BAHCC1: variants seen among roughly 807,000 people sequenced by gnomAD.
BAHCC1 encodes BAH domain and coiled-coil containing 1.
Under a neutral mutation model 88.2 loss-of-function variants are expected in BAHCC1, and 43 were observed. The observed-to-expected ratio is 0.49, with a 90% CI of 0.38 to 0.63. The LOEUF (loss-of-function observed/expected upper bound fraction) is 0.63. BAHCC1 is among the 20% of genes least tolerant of loss of function. The pLI is 0.00. For missense variants in BAHCC1, 3,023 were observed against 1,654.8 expected, an observed-to-expected ratio of 1.83 and a Z score of -14.34; for synonymous variants, 1,510 against 745.5, an observed-to-expected ratio of 2.03 and a Z score of -16.71.
At chr17:81,430,706 C>T (rs2064250520) in intron 3 of BAHCC1, among the ~76,000 whole-genome samples, 6 of 152,180 alleles carry the variant, frequency 3.9e-5, no homozygotes, top group Non-Finnish European at 8.8e-5. Context: ...CAGCTCCATC[C>T]TTCCTGTGAT....
intron 2 of BAHCC1, among the ~76,000 whole-genome samples, chr17:81,417,555 A>ACCGCCCCC (rs1555648925): frequency 2.5e-4 from 33 of 131,412 alleles, no homozygotes; most frequent in Middle Eastern, 3.8e-3. Context: ...AGCGTCGGCC[A>ACCGCCCCC]CCCCCCCCCC....
chr17:81,458,800 C>T lies in BAHCC1; in HGVS notation c.5449-13C>T, dbSNP rs1169482839. 3 of 762,418 alleles carry T rather than the reference C, an allele frequency of 3.9e-6. No individual in the cohort carries two copies. Among genetic ancestry groups the T allele is most frequent in the African/African-American group, 1.7e-5 (1 of 58,866 alleles). The allele number at this position is 762,418 out of a possible 1,614,324, so 47.2% of individuals were successfully genotyped here. On this transcript the variant is annotated splice_polypyrimidine_tract_variant and intron_variant, in intron 19 of 27. Transcript: ENST00000675386. ...CCTGCACCCCACCCAAGCCTGACTC[C>T]TCTGGCCCCCAGGGCAAGGGCCGGG...
intron 15 of BAHCC1, 134 bp from the exon 16 acceptor site, chr17:81,456,163 C>A (rs2143621316): frequency 3.4e-6 from 2 of 592,282 alleles, no homozygotes; most frequent in South Asian, 2.1e-5. Context: ...ATCCCTTCAG[C>A]CCCTGTGGAT....
At position 81,444,511 on chromosome 17, in the gene BAHCC1, C is replaced by A. The variant is rs782655241; in HGVS notation, c.2455C>A (p.Pro819Thr). Residue 819 changes from proline to threonine, a missense_variant, in exon 7 of 28, where the codon CCC becomes ACC. Physicochemically the swap from Pro to Thr is conservative, Grantham distance 38. Coordinates refer to ENST00000675386, the MANE Select transcript of BAHCC1 (RefSeq NM_001377448.1). ...GDPAPHTHPH[P>T]PWLPRTRSPS... is the part of the protein sequence containing the mutation. The stretch of plus-strand genomic sequence containing the variant: ...CCCAGCCCCCCACACCCACCCCCAT[C>A]CCCCCTGGCTGCCCCGCACCCGCAG... 4.3e-6 allele frequency: 3 copies of A among 698,308 alleles called. No homozygotes were observed. Among genetic ancestry groups the A allele is most frequent in the South Asian group, 3.1e-5 (2 of 65,566 alleles). The allele number at this position is 698,308 out of a possible 1,614,324, so 43.3% of individuals were successfully genotyped here. A position where few individuals can be genotyped will look rare whatever the true frequency, so the allele number is the denominator to read the frequency against.
At position 81,460,395 on chromosome 17, in the gene BAHCC1, G is replaced by T. The variant is rs1216182275; in HGVS notation, c.6024G>T (p.Gln2008His). The change falls in exon 24 of 28, where the codon CAG (glutamine) becomes CAT (histidine). Residue 2008 changes from glutamine to histidine, a missense_variant and splice_region_variant. Coordinates refer to ENST00000675386, the MANE Select transcript of BAHCC1 (RefSeq NM_001377448.1). ...VRLLPPDFKI[Q>H]CTEPSPALLV... ...TGCTGCCCCCTGACTTCAAGATCCA[G>T]TGTGAGCCTGGGAGCTGCACGGGGC... The T allele has an allele frequency of 2.6e-6, 2 of 761,604 alleles. No individual in the cohort carries two copies. The highest frequency in any genetic ancestry group is 4.9e-6 in the Non-Finnish European group (2 of 409,348). 47.2% of individuals were successfully genotyped at this position (761,604 alleles called of 1,614,324 possible).
chr17:81,410,475 G>C (rs1183775833), intron 2 of BAHCC1, among the ~76,000 whole-genome samples: 1 of 152,242 alleles, frequency 6.6e-6, no homozygotes, highest in Non-Finnish European at 1.5e-5. Flanking sequence ...CCCTACCTGT[G>C]CAGGGGCTTG....
In BAHCC1 at chr17:81,405,294, G is replaced by A. The variant is rs371162359; in HGVS notation, c.178+5377G>A. Among the ~76,000 whole-genome samples, 31 of 152,310 alleles carry A rather than the reference G, an allele frequency of 2.0e-4. No homozygotes were observed. The East Asian group carries it at 5.2e-3, about 26-fold the overall frequency. On this transcript the variant is annotated intron_variant, in intron 2 of 27. Coordinates refer to ENST00000675386, the MANE Select transcript of BAHCC1 (RefSeq NM_001377448.1). ...TTTCCCATGCTGGTCTTGAGCTCCT[G>A]AGCTCAAGCAATCTGCCCACCTTGG... is the stretch of plus-strand genomic sequence containing the variant.
chr17:81,448,629 G>A (rs1006277518), intron 11 of BAHCC1, among the ~76,000 whole-genome samples: 5 of 152,178 alleles, frequency 3.3e-5, no homozygotes, highest in Non-Finnish European at 7.4e-5. Flanking sequence ...CTCGGCCGCT[G>A]CTTTCTGGAT....
chr17:81,403,454 T>C (rs1555646392), intron 2 of BAHCC1, among the ~76,000 whole-genome samples: 1 of 147,892 alleles, frequency 6.8e-6, no homozygotes, highest in African/African-American at 2.5e-5. Flanking sequence ...TCTTTCCTGC[T>C]GAAAAAGTGC....
intron 3 of BAHCC1, among the ~76,000 whole-genome samples, chr17:81,429,931 T>C (rs1043628894): frequency 2.6e-5 from 4 of 152,086 alleles, no homozygotes; most frequent in African/African-American, 9.7e-5. Flanking sequence ...GGGGAGCAGC[T>C]GGGGGTGCAG....
chr17:81,444,933 G>T (rs1305698528), intron 8 of BAHCC1, 82 bp from the exon 9 acceptor site: 1 of 684,694 alleles, frequency 1.5e-6, no homozygotes, highest in East Asian at 2.7e-5. Context: ...GGCTTGGTGG[G>T]CTGAGGAAAG....
rs1461023511 is a variant in BAHCC1 at position 81,435,809 on chromosome 17, C to T, written c.359-2561C>T. On this transcript the variant is annotated intron_variant, in intron 3 of 27. Coordinates refer to ENST00000675386, the MANE Select transcript of BAHCC1 (RefSeq NM_001377448.1). The surrounding 1 kb of genome is among the most constrained non-coding windows in gnomAD (Gnocchi z 4.4). ...GGCCCGGCCGCAGCAGCCCTGCCTT[C>T]CCCCACTCCTCAGTGGCAGCCCCTT... is the stretch of plus-strand genomic sequence containing the variant. Among the ~76,000 whole-genome samples, 4 of 152,042 alleles carry T rather than the reference C, an allele frequency of 2.6e-5. No individual in the cohort carries two copies. Among genetic ancestry groups the T allele is most frequent in the African/African-American group, 7.2e-5 (3 of 41,406 alleles).
At chr17:81,404,198 A>T (rs2063852322) in intron 2 of BAHCC1, among the ~76,000 whole-genome samples, 1 of 152,232 alleles carries the variant, frequency 6.6e-6, no homozygotes. Flanking sequence ...TCAGAAACAC[A>T]CATAAAAAAG....
At position 81,399,789 on chromosome 17, in the gene BAHCC1, G is replaced by A. The variant is rs2063790042; in HGVS notation, c.50G>A (p.Gly17Glu). The A allele has an allele frequency of 2.4e-6, 3 of 1,254,436 alleles. 1 individual carries two copies. The allele number at this position is 1,254,436 out of a possible 1,614,324, so 77.7% of individuals were successfully genotyped here. ...APPPHLLSER[G>E]SLGHRSAAAA... ...CCGCCGCATCTGCTGTCGGAGCGCG[G>A]GAGCCTGGGCCACCGCAGCGCCGCT... The change falls in exon 2 of 28, where the codon GGG becomes GAG. Residue 17 changes from glycine to glutamate, a missense_variant. Physicochemically the swap from Gly to Glu is moderately conservative, Grantham distance 98. Coordinates refer to ENST00000675386, the MANE Select transcript of BAHCC1 (RefSeq NM_001377448.1). The surrounding 1 kb of genome is among the most constrained non-coding windows in gnomAD (Gnocchi z 4.5).
chr17:81,398,764 G>A (rs1555645313), intron 1 of BAHCC1, among the ~76,000 whole-genome samples: 1 of 132,224 alleles, frequency 7.6e-6, no homozygotes, highest in African/African-American at 2.8e-5. Context: ...TGATGCCGGT[G>A]GCGGTTGCGG....
chr17:81,444,725 C>T lies in BAHCC1; in HGVS notation c.2570C>T (p.Ala857Val), dbSNP rs1306552902. The stretch of plus-strand genomic sequence containing the variant: ...CCCCCCGGCTTCCCCGCCTCCGTGG[C>T]TGGCCCTGTGCCCTCTGTCTTCCCC... The part of the protein sequence containing the change: ...NLPPGFPASV[A>V]GPVPSVFPLP... Residue 857 changes from alanine (A) to valine (V), a missense_variant, in exon 8 of 28, where the codon GCT becomes GTT. Ala to Val is a moderately conservative substitution (Grantham distance 64, BLOSUM62 0). Transcript: ENST00000675386. 3.9e-6 allele frequency: 3 copies of T among 778,194 alleles called. No homozygotes were observed. Among genetic ancestry groups the T allele is most frequent in the African/African-American group, 3.4e-5 (2 of 59,108 alleles). The allele number at this position is 778,194 out of a possible 1,614,324, so 48.2% of individuals were successfully genotyped here. A position where few individuals can be genotyped will look rare whatever the true frequency, so the allele number is the denominator to read the frequency against.
intron 2 of BAHCC1, among the ~76,000 whole-genome samples, chr17:81,417,389 A>G (rs1459969870): frequency 1.3e-5 from 2 of 151,976 alleles, no homozygotes; most frequent in African/African-American, 4.8e-5. Flanking sequence ...CCGCCTGCCC[A>G]GGAGAGCGGG....
chr17:81,450,999 G>A (rs1214843968), intron 11 of BAHCC1: 3 of 153,256 alleles, frequency 2.0e-5, no homozygotes, highest in Non-Finnish European at 4.4e-5. Flanking sequence ...CCACACAGGC[G>A]AGTGGACGGA....
Position 81,445,043 on chromosome 17 carries a change from GC to G in BAHCC1, c.2706del (p.Met903CysfsTer71). ...ADVMDQASLWPPMYGGRGPAS... is the reference protein window; with the variant it reads ...ADVMDQASLWXPMYGGRGPAS... ...ATGTCATGGACCAGGCGTCACTGTG[GC>G]CCCCCATGTACGGGGGCCGGGGCCC... On this transcript the variant is annotated frameshift_variant, in exon 9 of 28. Coordinates refer to ENST00000675386, the MANE Select transcript of BAHCC1 (RefSeq NM_001377448.1). LOFTEE classifies it high-confidence loss of function. 1 of 763,936 alleles carries G rather than the reference GC, an allele frequency of 1.3e-6. No individual in the cohort carries two copies. 47.3% of individuals were successfully genotyped at this position (763,936 alleles called of 1,614,324 possible).
Sources: gnomAD v4.1 joint callset for allele counts (sites outside exome capture counted in the v4.1 genomes callset) on GRCh38, gnomAD v4.1.1 for gene constraint, Gnocchi (gnomAD v3.1) non-coding constraint, MANE v1.5 for transcripts, NCBI Gene and HGNC (gene_info 2026-07-23, HGNC 2026-07-21) for gene names.